The following ZNRF3 variants were observed in gnomAD, a reference collection of about 807,000 sequenced individuals.
ZNRF3 encodes E3 ubiquitin-protein ligase ZNRF3.
Under a neutral mutation model 72.5 loss-of-function variants are expected in ZNRF3, and 23 were observed. That is an observed-to-expected ratio of 0.32 (90% confidence interval 0.23 to 0.45). The LOEUF is 0.45. Ranked by LOEUF, ZNRF3 falls within the 20% of genes least tolerant of loss-of-function variation. The pLI is 1.00. For synonymous variants in ZNRF3, 610 were observed against 545.3 expected (o/e 1.12, Z -1.65); for missense variants, 1,169 against 1,272.1 (o/e 0.92, Z 1.23).
At chr22:28,907,110 G>A (rs2034222034) in intron 1 of ZNRF3, among the ~76,000 whole-genome samples, 1 of 150,274 alleles carries the variant, frequency 6.7e-6, no homozygotes, top group Non-Finnish European at 1.5e-5. Context: ...AGCCTCCCGA[G>A]TAGCTGGGAC....
rs1295402017 is a variant in ZNRF3, at chr22:29,049,121, C to G, written c.1016-76C>G. On this transcript the variant is annotated intron_variant, in intron 7 of 8. Coordinates refer to ENST00000544604, the MANE Select transcript of ZNRF3 (RefSeq NM_001206998.2). This position sits in a 1 kb window ranked among gnomAD's most constrained non-coding sequence, Gnocchi z 5.2. ...CAAGCCTGCTGCTTCAGCCTTTGCC[C>G]GTTTTAAAAATCCCTTTAGCCTCTG... The G allele has an allele frequency of 6.8e-7, 1 of 1,469,596 alleles. No homozygotes were observed. Among genetic ancestry groups the G allele is most frequent in the East Asian group, 2.3e-5 (1 of 43,412 alleles). The allele number at this position is 1,469,596 out of a possible 1,614,324, so 91.0% of individuals were successfully genotyped here. A position where few individuals can be genotyped will look rare whatever the true frequency, so the allele number is the denominator to read the frequency against.
chr22:29,027,528 C>T (rs1277428759), intron 2 of ZNRF3, among the ~76,000 whole-genome samples: 1 of 152,112 alleles, frequency 6.6e-6, no homozygotes, highest in Non-Finnish European at 1.5e-5. Context: ...GGATTACAGG[C>T]GTGAGCCACC....
chr22:28,974,992 A>G (rs1215279207), intron 1 of ZNRF3, among the ~76,000 whole-genome samples: 1 of 152,222 alleles, frequency 6.6e-6, no homozygotes, highest in African/African-American at 2.4e-5. Flanking sequence ...CTTCATTATT[A>G]TCTTACTGTG....
chr22:28,948,700 A>T (rs1327502495), intron 1 of ZNRF3, among the ~76,000 whole-genome samples: 1 of 152,230 alleles, frequency 6.6e-6, no homozygotes, highest in Admixed American at 6.5e-5. Context: ...ATTAGTAATT[A>T]TGAGTATTCT....
At chr22:28,893,368 C>T (rs1351798905) in intron 1 of ZNRF3, among the ~76,000 whole-genome samples, 1 of 152,124 alleles carries the variant, frequency 6.6e-6, no homozygotes, top group East Asian at 1.9e-4. Context: ...CGGTTTTATG[C>T]ACCCGTGGTA....
At chr22:29,028,804 T>C (rs1312136232) in intron 2 of ZNRF3, among the ~76,000 whole-genome samples, 1 of 152,216 alleles carries the variant, frequency 6.6e-6, no homozygotes, top group Non-Finnish European at 1.5e-5. Context: ...CTTTCCTTAC[T>C]TTCCCTCTTG....
intron 8 of ZNRF3, among the ~76,000 whole-genome samples, 167 bp from the exon 9 acceptor site, chr22:29,053,412 C>A (rs2037242626): frequency 6.6e-6 from 1 of 152,196 alleles, no homozygotes; most frequent in Non-Finnish European, 1.5e-5. Flanking sequence ...CAGGAGGTAC[C>A]TGTGCTCTCA....
chr22:28,931,629 CCACCCATCTGTCCATCTGTCCACA>C (rs1257532019), intron 1 of ZNRF3, among the ~76,000 whole-genome samples: 5 of 152,164 alleles, frequency 3.3e-5, no homozygotes, highest in Admixed American at 1.3e-4. Flanking sequence ...ATCCATCTGT[CCACCCATCTGTCCATCTGTCCACA>C]CACCCATCTG....
At chr22:29,051,582 TGA>T (rs1569299152) in intron 8 of ZNRF3, among the ~76,000 whole-genome samples, 1 of 132,216 alleles carries the variant, frequency 7.6e-6, no homozygotes, top group East Asian at 2.2e-4. Context: ...CCAGCCTGGG[TGA>T]CAGAGCGAGA....
Position 29,053,761 on chromosome 22 carries a change from A to G in ZNRF3, c.*139A>G. 1.2e-6 allele frequency: 1 copy of G among 808,922 alleles called. No individual in the cohort carries two copies. The highest frequency in any genetic ancestry group is 1.9e-6 in the Non-Finnish European group (1 of 528,864). The allele number at this position is 808,922 out of a possible 1,614,324, so 50.1% of individuals were successfully genotyped here. ...GTAATAAAGAGAGCCCTCCTTGTCA[A>G]CCCAAAATGTGAGCCCCCTGTGGCA... On this transcript the variant is annotated 3_prime_UTR_variant, in exon 9 of 9. Coordinates refer to ENST00000544604, the MANE Select transcript of ZNRF3 (RefSeq NM_001206998.2).
chr22:28,900,031 G>A (rs992629330), intron 1 of ZNRF3, among the ~76,000 whole-genome samples: 2 of 152,066 alleles, frequency 1.3e-5, no homozygotes, highest in African/African-American at 2.4e-5. Context: ...CCTACTTGTT[G>A]GAGGGTAAAC....
At chr22:28,960,995 A>G (rs1042457853) in intron 1 of ZNRF3, among the ~76,000 whole-genome samples, 3 of 152,196 alleles carry the variant, frequency 2.0e-5, no homozygotes, top group South Asian at 2.1e-4. Flanking sequence ...GTGACATACT[A>G]TCTCAGTCTG....
At chr22:29,013,592 G>T (rs1168901763) in intron 2 of ZNRF3, among the ~76,000 whole-genome samples, 1 of 152,102 alleles carries the variant, frequency 6.6e-6, no homozygotes, top group Non-Finnish European at 1.5e-5. Flanking sequence ...GAAAATCTTT[G>T]CCAAGTTACA....
chr22:28,927,432 C>G (rs1006871801), intron 1 of ZNRF3, among the ~76,000 whole-genome samples: 1 of 152,154 alleles, frequency 6.6e-6, no homozygotes, highest in Non-Finnish European at 1.5e-5. Flanking sequence ...TCAAAGGATC[C>G]GGGAAGCCCA....
intron 2 of ZNRF3, among the ~76,000 whole-genome samples, chr22:29,024,600 G>A (rs991978890): frequency 3.9e-5 from 6 of 152,022 alleles, no homozygotes; most frequent in Non-Finnish European, 8.8e-5. Context: ...AGGGTCCCTA[G>A]TATAACTACT....
chr22:29,050,260 C>G lies in ZNRF3; in HGVS notation c.2079C>G (p.Ala693=), dbSNP rs748364604. The G allele has an allele frequency of 1.9e-6, 3 of 1,598,234 alleles. No homozygotes were observed. The Admixed American group carries it at 5.0e-5, about 27-fold the overall frequency. ...TGGGGCTCGAGGCTTCTCCTGGGGCCGCCCCTGACCTCAGGAGGACCTGGA... is the reference window on the plus strand; with the variant it reads ...TGGGGCTCGAGGCTTCTCCTGGGGCGGCCCCTGACCTCAGGAGGACCTGGA... ...SEVGLEASPG[A]APDLRRTWKG... The change falls in exon 8 of 9, where the codon GCC becomes GCG. Residue 693 remains alanine (A), a synonymous_variant. Coordinates refer to ENST00000544604, the MANE Select transcript of ZNRF3 (RefSeq NM_001206998.2).
chr22:29,048,580 C>A lies in ZNRF3; in HGVS notation c.1015+89C>A. On this transcript the variant is annotated intron_variant, in intron 7 of 8. Coordinates refer to ENST00000544604, the MANE Select transcript of ZNRF3 (RefSeq NM_001206998.2). This position sits in a 1 kb window ranked among gnomAD's most constrained non-coding sequence, Gnocchi z 4.9. ...CCGCAGGCTTGGGAACACTCAGAAC[C>A]ACCGTGGCACTGCCCTCTGGACTTG... The A allele has an allele frequency of 7.5e-7, 1 of 1,326,400 alleles. No individual in the cohort carries two copies. Among genetic ancestry groups the A allele is most frequent in the Non-Finnish European group, 1.1e-6 (1 of 933,058 alleles). The allele number at this position is 1,326,400 out of a possible 1,614,324, so 82.2% of individuals were successfully genotyped here.
At chr22:28,952,204 T>C (rs995136238) in intron 1 of ZNRF3, among the ~76,000 whole-genome samples, 58 of 152,246 alleles carry the variant, frequency 3.8e-4, no homozygotes, top group Non-Finnish European at 8.1e-4. Context: ...AGGATGTCCT[T>C]GTAAAACTTT....
Position 29,050,507 on chromosome 22 carries a change from G to C in ZNRF3, c.2326G>C (p.Gly776Arg). 1.2e-6 allele frequency: 2 copies of C among 1,612,644 alleles called. No homozygotes were observed. Among genetic ancestry groups the C allele is most frequent in the South Asian group, 1.1e-5 (1 of 91,016 alleles). ...LPRTDGVKYE[G>R]LPCCFYEEKQ... ...CAGGACAGATGGGGTGAAATACGAG[G>C]GTCTGCCCTGCTGCTTCTATGAAGA... is the stretch of plus-strand genomic sequence containing the variant. Residue 776 changes from glycine to arginine, a missense_variant, in exon 8 of 9, where the codon GGT becomes CGT. Coordinates refer to ENST00000544604, the MANE Select transcript of ZNRF3 (RefSeq NM_001206998.2).
Sources: gnomAD v4.1 joint callset for allele counts (sites outside exome capture counted in the v4.1 genomes callset) on GRCh38, gnomAD v4.1.1 for gene constraint, Gnocchi (gnomAD v3.1) non-coding constraint, MANE v1.5 for transcripts, NCBI Gene and HGNC (gene_info 2026-07-23, HGNC 2026-07-21) for gene names.